The following DPP10 variants were observed in gnomAD, a reference collection of about 807,000 sequenced individuals.
DPP10 encodes the protein dipeptidyl peptidase like 10.
In DPP10, 33 loss-of-function variants were observed where a neutral mutation model predicts 120.9. The ratio of observed to expected loss-of-function variants is 0.27; its 90% CI spans 0.21 to 0.37. The LOEUF is 0.37. DPP10 is among the 10% of genes least tolerant of loss of function. The pLI is 1.00. For missense variants in DPP10, 816 were observed against 942.8 expected, an observed-to-expected ratio of 0.87 and a Z score of 1.76; for synonymous variants, 337 against 326.1, an observed-to-expected ratio of 1.03 and a Z score of -0.36.
chr2:115,472,861 C>A (rs2074822555), intron 3 of DPP10, among the ~76,000 whole-genome samples: 1 of 152,130 alleles, frequency 6.6e-6, no homozygotes, highest in Admixed American at 6.6e-5. Flanking sequence ...AATTGAAAAT[C>A]TAAAAGATTC....
intron 1 of DPP10, among the ~76,000 whole-genome samples, chr2:115,190,803 C>G (rs973364579): frequency 1.3e-5 from 2 of 152,234 alleles, no homozygotes; most frequent in Non-Finnish European, 2.9e-5. Flanking sequence ...GCCTGTCGCA[C>G]ATAACAGTCG....
At chr2:115,093,210 C>T (rs1384593527) in intron 1 of DPP10, among the ~76,000 whole-genome samples, 1 of 152,064 alleles carries the variant, frequency 6.6e-6, no homozygotes, top group African/African-American at 2.4e-5. Context: ...TAAAGTTATA[C>T]ATATAAAGTT....
At chr2:114,860,655 T>TA (rs1207725691) in intron 1 of DPP10, among the ~76,000 whole-genome samples, 1 of 152,216 alleles carries the variant, frequency 6.6e-6, no homozygotes, top group African/African-American at 2.4e-5. Flanking sequence ...TTGTCCAACT[T>TA]TAACTTCGCC....
chr2:114,840,881 T>A lies in DPP10; in HGVS notation c.60+398043T>A, dbSNP rs187254727. Among the ~76,000 whole-genome samples the A allele has an allele frequency of 3.8e-4, 58 of 152,246 alleles. No individual in the cohort carries two copies. In the East Asian group the frequency reaches 7.5e-3, roughly 20 times the overall value. On this transcript the variant is annotated intron_variant, in intron 1 of 25. Coordinates refer to ENST00000410059, the MANE Select transcript of DPP10 (RefSeq NM_020868.6). ...ATGGTTAGAATCTTGGGCAGATGGA[T>A]TTTTTCTTATCCATCCCTGCCTCTG...
intron 5 of DPP10, among the ~76,000 whole-genome samples, chr2:115,620,021 T>A (rs1476681101): frequency 6.6e-6 from 1 of 152,228 alleles, no homozygotes; most frequent in South Asian, 2.1e-4. Context: ...ATACGTAGTA[T>A]GTTGGAATGT....
At position 115,689,893 on chromosome 2, in the gene DPP10, C is replaced by T. The variant is rs1197469756; in HGVS notation, c.548C>T (p.Ala183Val). Residue 183 changes from alanine to valine, a missense_variant, in exon 7 of 26, where the codon GCG becomes GTG. By Grantham distance (64) the Ala-to-Val change is moderately conservative (BLOSUM62 0). Coordinates refer to ENST00000410059, the MANE Select transcript of DPP10 (RefSeq NM_020868.6). ...PEVEDSVLQY[A>V]AWGVQGQQLI... ...GTAGAGGACTCCGTCTTGCAGTACG[C>T]GGCCTGGGGTGTCCAAGGGCAGCAG... 7 of 1,613,722 alleles carry T rather than the reference C, an allele frequency of 4.3e-6. No individual in the cohort carries two copies. The African/African-American group carries it at 6.7e-5, about 15-fold the overall frequency.
chr2:114,540,751 T>C (rs1686883893), intron 1 of DPP10, among the ~76,000 whole-genome samples: 1 of 152,238 alleles, frequency 6.6e-6, no homozygotes, highest in African/African-American at 2.4e-5. Flanking sequence ...AGAGAGTTCA[T>C]GAAGACTTCG....
chr2:115,546,223 T>G (rs755280383), intron 5 of DPP10, among the ~76,000 whole-genome samples: 1 of 152,174 alleles, frequency 6.6e-6, no homozygotes, highest in Non-Finnish European at 1.5e-5. Context: ...ACCTACTTGA[T>G]CAGCTTCCAG....
intron 1 of DPP10, among the ~76,000 whole-genome samples, chr2:114,731,537 C>T (rs1246550446): frequency 6.6e-6 from 1 of 152,062 alleles, no homozygotes; most frequent in East Asian, 1.9e-4. Context: ...CCTAAGTGTC[C>T]AACGTGTGAC....
chr2:115,666,871 C>T (rs1268977781), intron 5 of DPP10, among the ~76,000 whole-genome samples: 1 of 152,088 alleles, frequency 6.6e-6, no homozygotes, highest in African/African-American at 2.4e-5. Flanking sequence ...ACATTCTTAC[C>T]AACAGTGTAT....
intron 1 of DPP10, among the ~76,000 whole-genome samples, chr2:115,049,918 G>T (rs1417752470): frequency 2.0e-5 from 3 of 152,138 alleles, no homozygotes; most frequent in Non-Finnish European, 2.9e-5. Context: ...TAAAATGCCA[G>T]TCATAAGATA....
Position 114,648,685 on chromosome 2 carries a change from C to T in DPP10, c.60+205847C>T, listed in dbSNP as rs60391486. On this transcript the variant is annotated intron_variant, in intron 1 of 25. Transcript: ENST00000410059. ...ATCTAAATTCAGGGTGAAAGGATTGCATGATCAATAGGTAGGTATAAGAAA... is the reference window on the plus strand; with the variant it reads ...ATCTAAATTCAGGGTGAAAGGATTGTATGATCAATAGGTAGGTATAAGAAA... 2.2e-4 allele frequency among the ~76,000 whole-genome samples: 33 copies of T among 152,246 alleles called. No individual in the cohort carries two copies. In the East Asian group the frequency reaches 5.4e-3, roughly 25 times the overall value.
chr2:115,718,751 C>T (rs1483495049), intron 7 of DPP10, among the ~76,000 whole-genome samples: 1 of 151,874 alleles, frequency 6.6e-6, no homozygotes, highest in Non-Finnish European at 1.5e-5. Flanking sequence ...CAGCACAGGG[C>T]CTAGCACATA....
chr2:115,002,819 T>G (rs1701534268), intron 1 of DPP10, among the ~76,000 whole-genome samples: 2 of 152,116 alleles, frequency 1.3e-5, no homozygotes, highest in Admixed American at 6.5e-5. Flanking sequence ...AGATACCATC[T>G]CATGCTAGTC....
intron 1 of DPP10, among the ~76,000 whole-genome samples, chr2:114,967,978 C>T (rs1699152608): frequency 6.6e-6 from 1 of 152,126 alleles, no homozygotes; most frequent in African/African-American, 2.4e-5. Flanking sequence ...GGTGATTCTT[C>T]TGCATATCAA....
intron 1 of DPP10, among the ~76,000 whole-genome samples, chr2:115,026,449 A>ATGCC (rs1264792769): frequency 1.3e-5 from 2 of 152,130 alleles, no homozygotes; most frequent in Non-Finnish European, 2.9e-5. Flanking sequence ...AGGTAGTATG[A>ATGCC]TGCCTGCAGC....
At chr2:115,613,039 T>C (rs1372988998) in intron 5 of DPP10, among the ~76,000 whole-genome samples, 1 of 152,232 alleles carries the variant, frequency 6.6e-6, no homozygotes, top group Non-Finnish European at 1.5e-5. Flanking sequence ...ATGACCTTCA[T>C]GCTTTACTGC....
intron 5 of DPP10, among the ~76,000 whole-genome samples, chr2:115,577,759 A>G (rs573184283): frequency 2.0e-5 from 3 of 152,210 alleles, no homozygotes; most frequent in African/African-American, 4.8e-5. Context: ...ATATGCTCAC[A>G]TGGTGTTCCC....
intron 1 of DPP10, among the ~76,000 whole-genome samples, chr2:114,612,400 G>A (rs1431436378): frequency 6.6e-6 from 1 of 152,134 alleles, no homozygotes; most frequent in Non-Finnish European, 1.5e-5. Flanking sequence ...GACTCTTAGG[G>A]CTGAACCATT....
Sources: gnomAD v4.1 joint callset for allele counts (sites outside exome capture counted in the v4.1 genomes callset) on GRCh38, gnomAD v4.1.1 for gene constraint, MANE v1.5 for transcripts, NCBI Gene and HGNC (gene_info 2026-07-23, HGNC 2026-07-21) for gene names.